The following LSAMP variants were observed in gnomAD, a reference collection of about 807,000 sequenced individuals.
LSAMP encodes limbic system associated membrane protein.
A neutral mutation model predicts 38.6 loss-of-function variants in LSAMP; 7 were observed. The ratio of observed to expected loss-of-function variants is 0.18; its 90% CI spans 0.10 to 0.34. The LOEUF (loss-of-function observed/expected upper bound fraction) is 0.34. Ranked by LOEUF, LSAMP falls within the 10% of genes least tolerant of loss-of-function variation. The pLI, the probability that LSAMP is intolerant of heterozygous loss-of-function variation, is 1.00. For missense variants in LSAMP, 313 were observed against 420.0 expected, an observed-to-expected ratio of 0.75 and a Z score of 2.23; for synonymous variants, 154 against 166.8, an observed-to-expected ratio of 0.92 and a Z score of 0.59.
chr3:116,139,683 C>T (rs1709328586), intron 1 of LSAMP, among the ~76,000 whole-genome samples: 1 of 151,880 alleles, frequency 6.6e-6, no homozygotes, highest in South Asian at 2.1e-4. Context: ...AAGGCATATC[C>T]AGATCAATAT....
intron 1 of LSAMP, among the ~76,000 whole-genome samples, chr3:116,128,787 A>C (rs1709063361): frequency 6.6e-6 from 1 of 152,236 alleles, no homozygotes; most frequent in South Asian, 2.1e-4. Context: ...ATTAAGAAGT[A>C]GAATAAGAAC....
At chr3:116,053,022 T>C (rs1216258125) in intron 2 of LSAMP, among the ~76,000 whole-genome samples, 1 of 152,210 alleles carries the variant, frequency 6.6e-6, no homozygotes, top group Non-Finnish European at 1.5e-5. Context: ...GGATGTTCAC[T>C]CTTAAGCCCA....
intron 3 of LSAMP, among the ~76,000 whole-genome samples, chr3:115,919,076 C>T (rs759382827): frequency 1.6e-4 from 24 of 152,158 alleles, no homozygotes; most frequent in South Asian, 1.2e-3. Context: ...TGCTTCTCTA[C>T]TTCCTGTAGG....
intron 3 of LSAMP, among the ~76,000 whole-genome samples, chr3:115,984,479 T>C (rs1351774885): frequency 6.6e-6 from 1 of 152,200 alleles, no homozygotes; most frequent in Non-Finnish European, 1.5e-5. Flanking sequence ...CTACTATAGG[T>C]ACAAAGTGTG....
chr3:115,947,774 A>G (rs1938150379), intron 3 of LSAMP, among the ~76,000 whole-genome samples: 1 of 152,204 alleles, frequency 6.6e-6, no homozygotes, highest in Admixed American at 6.5e-5. Flanking sequence ...GCATGAGCTG[A>G]TGAAAGAGTA....
intron 3 of LSAMP, among the ~76,000 whole-genome samples, chr3:115,922,091 T>C (rs1018842935): frequency 2.6e-5 from 4 of 152,188 alleles, no homozygotes; most frequent in Admixed American, 1.3e-4. Flanking sequence ...TTGAAGTTCA[T>C]TGGGCTTCTT....
At chr3:116,048,889 CA>C (rs1941341297) in intron 2 of LSAMP, among the ~76,000 whole-genome samples, 1 of 151,952 alleles carries the variant, frequency 6.6e-6, no homozygotes, top group Admixed American at 6.6e-5. Flanking sequence ...CGATATGAGA[CA>C]AAATGTAATG....
At chr3:116,400,718 T>C (rs1576194465) in intron 1 of LSAMP, among the ~76,000 whole-genome samples, 1 of 152,158 alleles carries the variant, frequency 6.6e-6, no homozygotes, top group East Asian at 1.9e-4. Flanking sequence ...CCTCAGGTGA[T>C]CCACCCGCCT....
chr3:115,831,888 T>C (rs1934624568), intron 6 of LSAMP, among the ~76,000 whole-genome samples: 1 of 152,114 alleles, frequency 6.6e-6, no homozygotes, highest in African/African-American at 2.4e-5. Flanking sequence ...TTTTGGCAGA[T>C]GGGGGAAGGA....
chr3:116,074,885 C>T (rs1169617028), intron 2 of LSAMP, among the ~76,000 whole-genome samples: 1 of 145,950 alleles, frequency 6.9e-6, no homozygotes, highest in African/African-American at 2.7e-5. Flanking sequence ...CTCTTGTTGC[C>T]CAGGCTGGAG....
chr3:116,040,399 C>T (rs1373341648), intron 2 of LSAMP, among the ~76,000 whole-genome samples: 1 of 152,162 alleles, frequency 6.6e-6, no homozygotes, highest in African/African-American at 2.4e-5. Context: ...GAAATGACTG[C>T]TATCTGTGTA....
intron 3 of LSAMP, among the ~76,000 whole-genome samples, chr3:115,895,309 C>T (rs1039301620): frequency 6.6e-6 from 1 of 151,988 alleles, no homozygotes; most frequent in African/African-American, 2.4e-5. Context: ...TTGGTCAAAG[C>T]TCTTCTACTG....
intron 1 of LSAMP, among the ~76,000 whole-genome samples, chr3:116,128,198 G>C (rs1167519123): frequency 1.3e-5 from 2 of 152,228 alleles, no homozygotes; most frequent in African/African-American, 4.8e-5. Flanking sequence ...CCTAGCAAGA[G>C]CATTACATAG....
intron 6 of LSAMP, among the ~76,000 whole-genome samples, chr3:115,818,316 G>T (rs767069010): frequency 6.6e-6 from 1 of 152,094 alleles, no homozygotes; most frequent in Non-Finnish European, 1.5e-5. Context: ...GCCACAGAGC[G>T]ATGCTCTTTC....
intron 1 of LSAMP, among the ~76,000 whole-genome samples, chr3:116,088,605 G>A (rs1273891749): frequency 2.6e-5 from 4 of 152,026 alleles, no homozygotes; most frequent in Admixed American, 1.3e-4. Context: ...CTAGTAAGAA[G>A]GATAGAAATT....
At chr3:116,366,358 C>G (rs2048353387) in intron 1 of LSAMP, among the ~76,000 whole-genome samples, 1 of 152,118 alleles carries the variant, frequency 6.6e-6, no homozygotes, top group East Asian at 1.9e-4. Flanking sequence ...CAAAAAGCAC[C>G]TCTTTTTTAA....
chr3:116,155,078 TCACCTTGTAGACC>T (rs904791004), intron 1 of LSAMP, among the ~76,000 whole-genome samples: 2 of 152,090 alleles, frequency 1.3e-5, no homozygotes, highest in Non-Finnish European at 2.9e-5. Context: ...AGAGAAAATC[TCACCTTGTAGACC>T]CACATAACAC....
chr3:116,256,859 T>C (rs770546895), intron 1 of LSAMP, among the ~76,000 whole-genome samples: 63 of 152,216 alleles, frequency 4.1e-4, no homozygotes, highest in Non-Finnish European at 7.9e-4. Context: ...TCACGTGTCA[T>C]GAGTGGCAAA....
intron 1 of LSAMP, among the ~76,000 whole-genome samples, chr3:116,104,811 A>G (rs1708425999): frequency 6.6e-6 from 1 of 152,180 alleles, no homozygotes; most frequent in Non-Finnish European, 1.5e-5. Flanking sequence ...TGGGACCTAA[A>G]TCTACACAAA....
Sources: gnomAD v4.1 joint callset for allele counts (sites outside exome capture counted in the v4.1 genomes callset) on GRCh38, gnomAD v4.1.1 for gene constraint, MANE v1.5 for transcripts, NCBI Gene and HGNC (gene_info 2026-07-23, HGNC 2026-07-21) for gene names.